BTG4: variants seen among roughly 807,000 people sequenced by gnomAD.
BTG4 encodes protein BTG4.
BTG4 carries 10 observed loss-of-function variants against 19.3 expected under a neutral mutation model. That is an observed-to-expected ratio of 0.52 (90% confidence interval 0.32 to 0.88). The LOEUF is 0.88. Ranked by LOEUF, BTG4 falls within the 40% of genes least tolerant of loss-of-function variation. The probability of loss-of-function intolerance (pLI) is 0.04; values close to 1 mark genes in which losing one functional copy is unlikely to be tolerated. For missense variants in BTG4, 238 were observed against 281.9 expected, an observed-to-expected ratio of 0.84 and a Z score of 1.11; for synonymous variants, 91 against 95.7, an observed-to-expected ratio of 0.95 and a Z score of 0.29.
chr11:111,387,139 C>T, the BTG4 span, among the ~76,000 whole-genome samples: 13 of 152,338 alleles, frequency 8.5e-5, no homozygotes, highest in East Asian at 2.5e-3. Flanking sequence ...GAATATATCA[C>T]TGAATTCTCT....
chr11:111,456,398 G>C, the BTG4 span: 1 of 409,906 alleles, frequency 2.4e-6, no homozygotes, highest in Non-Finnish European at 5.0e-6. This position sits in a 1 kb window ranked among gnomAD's most constrained non-coding sequence, Gnocchi z 4.2. Flanking sequence ...GTCTGTGGAG[G>C]CTGGGGAGGA....
the BTG4 span, among the ~76,000 whole-genome samples, chr11:111,423,488 T>G: frequency 8.5e-5 from 13 of 152,180 alleles, no homozygotes; most frequent in Non-Finnish European, 1.5e-4. Context: ...AAGCATCATG[T>G]GCACCAAACC....
the BTG4 span, among the ~76,000 whole-genome samples, chr11:111,402,227 T>C: frequency 6.6e-6 from 1 of 152,088 alleles, no homozygotes; most frequent in Non-Finnish European, 1.5e-5. Context: ...TTTCTCCTCA[T>C]TCACCTTCTG....
chr11:111,455,447 C>G, the BTG4 span: 1 of 237,192 alleles, frequency 4.2e-6, no homozygotes, highest in South Asian at 5.6e-5. Context: ...ACCTGGCAGG[C>G]GAGTACGCAG....
At chr11:111,413,691 A>G in the BTG4 span, among the ~76,000 whole-genome samples, 1 of 152,360 alleles carries the variant, frequency 6.6e-6, no homozygotes, top group East Asian at 1.9e-4. Context: ...ATAGCAGACA[A>G]GCTGCTGCTG....
At chr11:111,425,624 T>C in the BTG4 span, among the ~76,000 whole-genome samples, 1 of 152,090 alleles carries the variant, frequency 6.6e-6, no homozygotes. Flanking sequence ...AGATGAGAGA[T>C]AATTACCAAA....
chr11:111,494,998 A>T lies in BTG4; in HGVS notation c.*137T>A, dbSNP rs1206067358. On this transcript the variant is annotated 3_prime_UTR_variant, in exon 5 of 5. Coordinates refer to ENST00000692032, the MANE Select transcript of BTG4 (RefSeq NM_001367975.1). ...GAACAGTGATGATCTGTATGAGAGG[A>T]TTTACCATTGTGTACCCTAGTCCCT... 1 of 985,254 alleles carries T rather than the reference A, an allele frequency of 1.0e-6. No homozygotes were observed. The highest frequency in any genetic ancestry group is 1.2e-6 in the Non-Finnish European group (1 of 829,930). The allele number at this position is 985,254 out of a possible 1,614,324, so 61.0% of individuals were successfully genotyped here.
intron 5 of BTG4, among the ~76,000 whole-genome samples, chr11:111,481,819 T>A (rs1843268814): frequency 6.6e-6 from 1 of 151,832 alleles, no homozygotes; most frequent in Admixed American, 6.6e-5. Context: ...AGAAGGGAAC[T>A]TCCTCAATTT....
chr11:111,452,920 T>G, the BTG4 span, among the ~76,000 whole-genome samples: 1 of 151,948 alleles, frequency 6.6e-6, no homozygotes, highest in East Asian at 1.9e-4. Context: ...ACCAGAGGGT[T>G]GGTAAGTTGA....
At chr11:111,459,174 G>A in the BTG4 span, among the ~76,000 whole-genome samples, 32 of 152,190 alleles carry the variant, frequency 2.1e-4, no homozygotes, top group African/African-American at 6.5e-4. Flanking sequence ...TCCAGGAGGT[G>A]GAGGTTGCAA....
chr11:111,389,363 G>A, the BTG4 span, among the ~76,000 whole-genome samples: 1 of 152,050 alleles, frequency 6.6e-6, no homozygotes, highest in Non-Finnish European at 1.5e-5. Context: ...CACCTTGAAG[G>A]TCCAAAAGAA....
chr11:111,480,639 TAAATAACAA>T (rs1183274872), intron 5 of BTG4, among the ~76,000 whole-genome samples: 1 of 151,520 alleles, frequency 6.6e-6, no homozygotes, highest in Non-Finnish European at 1.5e-5. Flanking sequence ...AAATTAGAAA[TAAATAACAA>T]AAACCGGTAA....
chr11:111,439,600 T>A, the BTG4 span, among the ~76,000 whole-genome samples: 1 of 151,978 alleles, frequency 6.6e-6, no homozygotes, highest in Non-Finnish European at 1.5e-5. Flanking sequence ...AGGACCTTCC[T>A]CTTCCAGATG....
At chr11:111,420,672 G>A in the BTG4 span, among the ~76,000 whole-genome samples, 1 of 152,240 alleles carries the variant, frequency 6.6e-6, no homozygotes, top group Non-Finnish European at 1.5e-5. Context: ...AGTTTGTCTA[G>A]TAGAATGCCA....
upstream of BTG4, chr11:111,514,614 G>T (rs141382526): frequency 2.6e-3 from 1,601 of 613,424 alleles, 28 homozygotes; most frequent in African/African-American, 0.026. Flanking sequence ...CCTGATCACC[G>T]CAGGGGTGGG....
chr11:111,396,964 G>A, the BTG4 span: 1 of 152,198 alleles, frequency 6.6e-6, no homozygotes, highest in Non-Finnish European at 1.5e-5. Flanking sequence ...ATTGCCACTG[G>A]CTAGGAACAG....
chr11:111,441,169 C>T, the BTG4 span, among the ~76,000 whole-genome samples: 1 of 150,856 alleles, frequency 6.6e-6, no homozygotes, highest in African/African-American at 2.4e-5. Context: ...ATATGCAAGC[C>T]ATACAAAAAG....
upstream of BTG4, chr11:111,513,571 G>A (rs1867102130): frequency 2.1e-6 from 1 of 473,698 alleles, no homozygotes; most frequent in African/African-American, 2.0e-5. Context: ...GGGGAAGAGG[G>A]GTGTTGGAAA....
the BTG4 span, among the ~76,000 whole-genome samples, chr11:111,453,739 G>A: frequency 2.6e-5 from 4 of 152,212 alleles, no homozygotes; most frequent in Admixed American, 2.6e-4. Flanking sequence ...GGTACTGTAT[G>A]TCATAACACT....
Sources: allele counts gnomAD v4.1 joint callset (sites outside exome capture counted in the v4.1 genomes callset), GRCh38; gene constraint gnomAD v4.1.1; non-coding constraint Gnocchi (gnomAD v3.1); transcripts MANE v1.5; gene names NCBI Gene and HGNC (gene_info 2026-07-23, HGNC 2026-07-21).